VWF: variants seen among roughly 807,000 people sequenced by gnomAD.
VWF encodes the protein von Willebrand factor, also known as Factor VIII related antigen.
In VWF, 176 loss-of-function variants were observed where a neutral mutation model predicts 308.6. That is an observed-to-expected ratio of 0.57 (90% CI 0.50 to 0.65). VWF has a LOEUF of 0.65. Among genes scored for constraint, VWF ranks in the 30% least tolerant of loss-of-function variants. VWF has a pLI of 0.00. For synonymous variants in VWF, 1,385 were observed against 1,443.4 expected, an observed-to-expected ratio of 0.96 and a Z score of 0.92; for missense variants, 3,146 against 3,648.2, an observed-to-expected ratio of 0.86 and a Z score of 3.55.
At chr12:6,009,426 AACACAC>A (rs3062550) in intron 34 of VWF, among the ~76,000 whole-genome samples, 13,312 of 146,364 alleles carry the variant, frequency 0.091, 679 homozygotes, top group African/African-American at 0.15. Flanking sequence ...GCCATTATCA[AACACAC>A]ACACACACAC....
At chr12:6,086,319 G>A (rs992883722) in intron 6 of VWF, among the ~76,000 whole-genome samples, 1 of 152,110 alleles carries the variant, frequency 6.6e-6, no homozygotes, top group African/African-American at 2.4e-5. Context: ...TCAAAACGGG[G>A]AAAGACACGT....
intron 42 of VWF, 133 bp downstream of exon 42, chr12:5,981,653 A>T: frequency 1.9e-6 from 2 of 1,032,930 alleles, no homozygotes; most frequent in Non-Finnish European, 2.9e-6. Flanking sequence ...TTCCATGAGG[A>T]GCACATGTTG....
In VWF at chr12:6,046,684, G is replaced by A; in HGVS notation, c.2281+39C>T. On this transcript the variant is annotated intron_variant, in intron 17 of 51. Coordinates refer to ENST00000261405, the MANE Select transcript of VWF (RefSeq NM_000552.5). This position sits in a 1 kb window ranked among gnomAD's most constrained non-coding sequence, Gnocchi z 5.0. ...ATTCCACACGTGAGGAATCTGGGCA[G>A]GATGGAGTCAATGGGCCTTCCAGGG... is the stretch of plus-strand genomic sequence containing the variant. 1 of 1,583,822 alleles carries A rather than the reference G, an allele frequency of 6.3e-7. No homozygotes were observed. Among genetic ancestry groups the A allele is most frequent in the Non-Finnish European group, 8.7e-7 (1 of 1,152,604 alleles).
chr12:6,048,407 C>T (rs956471059), intron 16 of VWF, among the ~76,000 whole-genome samples: 2 of 152,016 alleles, frequency 1.3e-5, no homozygotes, highest in Admixed American at 1.3e-4. Context: ...ACCTTGTGAT[C>T]TACCCGCCTC....
At chr12:6,033,038 G>A (rs541429938) in intron 20 of VWF, among the ~76,000 whole-genome samples, 1 of 152,062 alleles carries the variant, frequency 6.6e-6, no homozygotes, top group East Asian at 1.9e-4. Flanking sequence ...ACATGCTCAT[G>A]CATACACACA....
intron 47 of VWF, among the ~76,000 whole-genome samples, chr12:5,964,908 G>T (rs1322427210): frequency 6.6e-6 from 1 of 152,190 alleles, no homozygotes; most frequent in Non-Finnish European, 1.5e-5. Context: ...GTGTGGCAGG[G>T]GCTTGGAAGA....
At chr12:5,968,218 A>G (rs1353811326) in intron 45 of VWF, 51 bp from the exon 46 acceptor site, 2 of 1,610,656 alleles carry the variant, frequency 1.2e-6, no homozygotes, top group East Asian at 2.2e-5. Context: ...CACCCTGGTG[A>G]GACCGGCGAG....
intron 40 of VWF, among the ~76,000 whole-genome samples, chr12:5,983,906 T>A (rs1270156871): frequency 1.3e-5 from 2 of 151,114 alleles, no homozygotes; most frequent in Non-Finnish European, 2.9e-5. Flanking sequence ...ACAGGATAGA[T>A]GATAAATAGA....
intron 16 of VWF, among the ~76,000 whole-genome samples, chr12:6,048,925 C>G (rs898703641): frequency 6.6e-6 from 1 of 152,196 alleles, no homozygotes; most frequent in African/African-American, 2.4e-5. Flanking sequence ...TCCACCCGCC[C>G]CCGTAAATGT....
intron 6 of VWF, among the ~76,000 whole-genome samples, chr12:6,092,632 T>TGA (rs1430723950): frequency 3.0e-5 from 2 of 66,014 alleles, no homozygotes; most frequent in African/African-American, 1.1e-4. Context: ...TGTGTGTGTG[T>TGA]GTGTGTGTGT....
chr12:6,022,114 G>A (rs1043152124), intron 26 of VWF, 79 bp from the exon 27 acceptor site: 23 of 1,603,520 alleles, frequency 1.4e-5, no homozygotes, highest in Non-Finnish European at 1.9e-5. Context: ...TAAAAGGGAG[G>A]AGCCAACTCC....
At chr12:6,012,668 C>T (rs986231152) in intron 32 of VWF, among the ~76,000 whole-genome samples, 12 of 150,900 alleles carry the variant, frequency 8.0e-5, no homozygotes, top group African/African-American at 2.9e-4. Flanking sequence ...CCCAGGCCCC[C>T]GCCACAAAAA....
At chr12:5,981,751 T>G in intron 42 of VWF, 35 bp downstream of exon 42, 1 of 1,603,674 alleles carries the variant, frequency 6.2e-7, no homozygotes, top group Admixed American at 1.7e-5. Context: ...ATGAGTAAAC[T>G]ATTAACTGAT....
chr12:5,958,410 A>T lies in VWF; in HGVS notation c.7888-4816T>A, dbSNP rs182559774. Among the ~76,000 whole-genome samples the T allele has an allele frequency of 1.1e-4, 16 of 152,330 alleles. No individual in the cohort carries two copies. In the East Asian group the frequency reaches 2.9e-3, roughly 28 times the overall value. ...AGGTGTATTAATACCAAACAAGGCC[A>T]GTGAGGTGGCTTCATGCCCGTAATA... On this transcript the variant is annotated intron_variant, in intron 47 of 51. Coordinates refer to ENST00000261405, the MANE Select transcript of VWF (RefSeq NM_000552.5).
chr12:6,029,590 G>A (rs111802961), intron 21 of VWF, 102 bp from the exon 22 acceptor site: 28 of 1,474,630 alleles, frequency 1.9e-5, no homozygotes, highest in South Asian at 4.8e-5. Flanking sequence ...CAGTGCCCAC[G>A]AGTGCAGGCA....
chr12:6,027,802 G>C (rs11612401), intron 22 of VWF, among the ~76,000 whole-genome samples: 30,743 of 150,700 alleles, frequency 0.2, 3,422 homozygotes, highest in Non-Finnish European at 0.25. Flanking sequence ...CAAGTTTTTG[G>C]TGATTTGTTA....
chr12:6,071,642 C>A (rs1944783898), intron 9 of VWF, among the ~76,000 whole-genome samples: 1 of 152,174 alleles, frequency 6.6e-6, no homozygotes, highest in Non-Finnish European at 1.5e-5. Context: ...CAAATTCCTA[C>A]CCCACACACA....
intron 6 of VWF, among the ~76,000 whole-genome samples, chr12:6,084,798 G>C (rs1035592313): frequency 6.6e-6 from 1 of 152,154 alleles, no homozygotes; most frequent in Non-Finnish European, 1.5e-5. Flanking sequence ...TGGAGTCTGA[G>C]CTGCTCCAAA....
chr12:6,097,827 T>C (rs1052047088), intron 5 of VWF, among the ~76,000 whole-genome samples: 2 of 152,254 alleles, frequency 1.3e-5, no homozygotes, highest in Admixed American at 6.5e-5. Flanking sequence ...TGACAGGTAC[T>C]CTCTGGGTAC....
Sources: gnomAD v4.1 joint callset for allele counts (sites outside exome capture counted in the v4.1 genomes callset) on GRCh38, gnomAD v4.1.1 for gene constraint, Gnocchi (gnomAD v3.1) non-coding constraint, MANE v1.5 for transcripts, NCBI Gene and HGNC (gene_info 2026-07-23, HGNC 2026-07-21) for gene names.